The following WIPF1 variants were observed in gnomAD, a reference collection of about 807,000 sequenced individuals.
WIPF1 encodes WAS/WASL-interacting protein family member 1.
Under a neutral mutation model 35.4 loss-of-function variants are expected in WIPF1, and 13 were observed. That is an observed-to-expected ratio of 0.37 (90% CI 0.24 to 0.58). The LOEUF is 0.58. WIPF1 is among the 20% of genes least tolerant of loss of function. The probability of loss-of-function intolerance (pLI) is 0.74; values close to 1 mark genes in which losing one functional copy is unlikely to be tolerated. For missense variants in WIPF1, 591 were observed against 667.0 expected, an observed-to-expected ratio of 0.89 and a Z score of 1.25; for synonymous variants, 267 against 266.3, an observed-to-expected ratio of 1.00 and a Z score of -0.02.
At chr2:174,672,070 A>T (rs1416226646) in intron 1 of WIPF1, among the ~76,000 whole-genome samples, 2 of 152,136 alleles carry the variant, frequency 1.3e-5, no homozygotes, top group African/African-American at 4.8e-5. Context: ...TGTCTCCCCC[A>T]GATACCCAGC....
intron 3 of WIPF1, among the ~76,000 whole-genome samples, chr2:174,580,293 T>C (rs1685194004): frequency 6.6e-6 from 1 of 152,158 alleles, no homozygotes. Flanking sequence ...TCGCAGCACT[T>C]TGCCCGGTAA....
At chr2:174,680,544 CA>C (rs1688225195) in intron 1 of WIPF1, among the ~76,000 whole-genome samples, 1 of 152,204 alleles carries the variant, frequency 6.6e-6, no homozygotes, top group African/African-American at 2.4e-5. Flanking sequence ...AAATAAAAGG[CA>C]CTTTTGTTTC....
rs113313498 is a variant in WIPF1, at chr2:174,562,702, C to T, written c.1457-100G>A. ...TGCACGGGTACCCACTACCTCATCC[C>T]TATGACCAGGGCTGTCAGCTAACTG... On this transcript the variant is annotated intron_variant, in intron 7 of 7. Coordinates refer to ENST00000679041, the MANE Select transcript of WIPF1 (RefSeq NM_001375834.1). 3.8e-4 allele frequency: 563 copies of T among 1,480,262 alleles called. 1 individual carries two copies. The African/African-American group carries it at 6.3e-3, about 17-fold the overall frequency. 91.7% of individuals were successfully genotyped at this position (1,480,262 alleles called of 1,614,324 possible). A position where few individuals can be genotyped will look rare whatever the true frequency, so the allele number is the denominator to read the frequency against.
chr2:174,613,761 C>T (rs1686424832), intron 1 of WIPF1, among the ~76,000 whole-genome samples: 1 of 152,134 alleles, frequency 6.6e-6, no homozygotes, highest in Admixed American at 6.6e-5. Flanking sequence ...CATGGGAACA[C>T]AGCTGGTAAA....
At chr2:174,652,519 T>C (rs983084643) in intron 1 of WIPF1, among the ~76,000 whole-genome samples, 2 of 152,226 alleles carry the variant, frequency 1.3e-5, no homozygotes, top group Admixed American at 6.5e-5. Flanking sequence ...TCTTTGGCCC[T>C]TTAGTATTTT....
chr2:174,640,586 A>T (rs56252708), intron 1 of WIPF1, among the ~76,000 whole-genome samples: 149,017 of 152,052 alleles, frequency 0.98, 73,099 homozygotes, highest in East Asian at 1. Context: ...CATGGATTTT[A>T]TATTTTTTAT....
intron 7 of WIPF1, 129 bp downstream of exon 7, chr2:174,566,941 T>A: frequency 1.4e-6 from 1 of 730,552 alleles, no homozygotes; most frequent in Non-Finnish European, 2.2e-6. Flanking sequence ...GGGAATTTAC[T>A]AGAATGTAGA....
chr2:174,561,948 A>T lies in WIPF1; in HGVS notation c.*599T>A. 1.0e-6 allele frequency: 1 copy of T among 953,812 alleles called. No homozygotes were observed. 59.1% of individuals were successfully genotyped at this position (953,812 alleles called of 1,614,324 possible). A position where few individuals can be genotyped will look rare whatever the true frequency, so the allele number is the denominator to read the frequency against. On this transcript the variant is annotated 3_prime_UTR_variant, in exon 8 of 8. Coordinates refer to ENST00000679041, the MANE Select transcript of WIPF1 (RefSeq NM_001375834.1). Reference sequence around the variant, plus strand: ...TTGATTACAGGTTGAAATATTTTGGATGCATATTAACTTCACTTGTTTAAA... The same window carrying T: ...TTGATTACAGGTTGAAATATTTTGGTTGCATATTAACTTCACTTGTTTAAA...
intron 1 of WIPF1, chr2:174,656,267 A>C (rs1474489949): frequency 6.6e-6 from 1 of 152,272 alleles, no homozygotes; most frequent in Non-Finnish European, 1.5e-5. Context: ...AATTTCAAGC[A>C]AGTAAAATGA....
chr2:174,566,141 C>CGTG lies in WIPF1; in HGVS notation c.1456+928_1456+929insCAC. ...TCCTGACCTCGTGATCCGCCCACCT[C>CGTG]AGCCTCCCAAAGTGCTGGGATTACA... On this transcript the variant is annotated intron_variant, in intron 7 of 7. Coordinates refer to ENST00000679041, the MANE Select transcript of WIPF1 (RefSeq NM_001375834.1). 2.0e-5 allele frequency: 3 copies of CGTG among 152,270 alleles called. No individual in the cohort carries two copies. In the East Asian group the frequency reaches 5.8e-4, roughly 29 times the overall value. The allele number at this position is 152,270 out of a possible 1,614,324, so 9.4% of individuals were successfully genotyped here. A position where few individuals can be genotyped will look rare whatever the true frequency, so the allele number is the denominator to read the frequency against.
upstream of WIPF1, among the ~76,000 whole-genome samples, chr2:174,598,641 A>T (rs533923091): frequency 6.6e-6 from 1 of 152,256 alleles, no homozygotes; most frequent in South Asian, 2.1e-4. Flanking sequence ...TTGAAACGTG[A>T]TTTTGGTGCC....
intron 1 of WIPF1, among the ~76,000 whole-genome samples, chr2:174,640,581 A>AT (rs1474683177): frequency 6.6e-6 from 1 of 151,728 alleles, no homozygotes; most frequent in Non-Finnish European, 1.5e-5. Context: ...ATGTACATGG[A>AT]TTTTATATTT....
intron 1 of WIPF1, among the ~76,000 whole-genome samples, chr2:174,631,480 G>C (rs908864743): frequency 1.3e-5 from 2 of 152,184 alleles, no homozygotes; most frequent in Non-Finnish European, 2.9e-5. Context: ...ATGGGGAGTT[G>C]TTGTTTAATG....
At chr2:174,634,610 T>C (rs1302552980) in intron 1 of WIPF1, 2 of 152,268 alleles carry the variant, frequency 1.3e-5, no homozygotes, top group African/African-American at 2.4e-5. Context: ...TGTGACATTA[T>C]ACTTCCTCAC....
At chr2:174,566,961 A>C in intron 7 of WIPF1, 109 bp downstream of exon 7, 1 of 997,044 alleles carries the variant, frequency 1.0e-6, no homozygotes, top group South Asian at 1.5e-5. Flanking sequence ...ATGGCTCCAA[A>C]GGGTTCTCTA....
Position 174,562,121 on chromosome 2 carries a change from G to T in WIPF1, c.*426C>A. Reference sequence around the variant, plus strand: ...AGCCCTTACTCAGCAGCTTGCTTAGGTGGTCTGTGGTTCATAGAAACAGAG... The same window carrying T: ...AGCCCTTACTCAGCAGCTTGCTTAGTTGGTCTGTGGTTCATAGAAACAGAG... On this transcript the variant is annotated 3_prime_UTR_variant, in exon 8 of 8. Coordinates refer to ENST00000679041, the MANE Select transcript of WIPF1 (RefSeq NM_001375834.1). 6.4e-7 allele frequency: 1 copy of T among 1,550,622 alleles called. No individual in the cohort carries two copies. Among genetic ancestry groups the T allele is most frequent in the African/African-American group, 1.4e-5 (1 of 73,144 alleles).
At chr2:174,585,223 A>G (rs994036949) in intron 2 of WIPF1, among the ~76,000 whole-genome samples, 37 of 152,312 alleles carry the variant, frequency 2.4e-4, no homozygotes, top group African/African-American at 8.7e-4. Flanking sequence ...CTCAGAACTG[A>G]TCCTGCAAAC....
chr2:174,564,814 T>TAC (rs1559144051), intron 7 of WIPF1, among the ~76,000 whole-genome samples: 1 of 94,986 alleles, frequency 1.1e-5, no homozygotes, highest in African/African-American at 3.8e-5. Flanking sequence ...CTTCTTCTGG[T>TAC]GCACACACAC....
At chr2:174,599,792 A>ACACT (rs1553530477), upstream of WIPF1, among the ~76,000 whole-genome samples, 66 of 148,662 alleles carry the variant, frequency 4.4e-4, no homozygotes, top group Admixed American at 2.8e-3. Flanking sequence ...ACACACACAC[A>ACACT]CTCTCTCTCT....
Sources: allele counts gnomAD v4.1 joint callset (sites outside exome capture counted in the v4.1 genomes callset), GRCh38; gene constraint gnomAD v4.1.1; transcripts MANE v1.5; gene names NCBI Gene and HGNC (gene_info 2026-07-23, HGNC 2026-07-21).